The following NELL1 variants were observed in gnomAD, a reference collection of about 807,000 sequenced individuals.
NELL1 encodes protein kinase C-binding protein NELL1.
Under a neutral mutation model 107.4 loss-of-function variants are expected in NELL1, and 76 were observed. That is an observed-to-expected ratio of 0.71 (90% confidence interval 0.59 to 0.86). The LOEUF is 0.86. Among genes scored for constraint, NELL1 ranks in the 40% least tolerant of loss-of-function variants. The pLI is 0.00. For synonymous variants in NELL1, 353 were observed against 341.2 expected (o/e 1.03, Z -0.38); for missense variants, 1,024 against 1,005.5 (o/e 1.02, Z -0.25).
intron 11 of NELL1, among the ~76,000 whole-genome samples, chr11:20,958,183 C>T (rs1034472146): frequency 7.9e-5 from 12 of 151,898 alleles, no homozygotes; most frequent in Admixed American, 1.3e-4. Context: ...TTTGGGAGGC[C>T]GAGGTGGGGA....
At chr11:20,782,228 A>G (rs1341216761) in intron 2 of NELL1, among the ~76,000 whole-genome samples, 3 of 152,168 alleles carry the variant, frequency 2.0e-5, no homozygotes, top group Non-Finnish European at 2.9e-5. Context: ...TCAACACTTG[A>G]TAAAAGCTGA....
intron 12 of NELL1, among the ~76,000 whole-genome samples, chr11:21,044,060 G>A (rs1255313366): frequency 6.6e-6 from 1 of 152,140 alleles, no homozygotes; most frequent in Non-Finnish European, 1.5e-5. Context: ...CCATAAAAAT[G>A]CTTGAGATTG....
intron 13 of NELL1, among the ~76,000 whole-genome samples, chr11:21,195,806 A>G (rs1220779675): frequency 6.6e-6 from 1 of 152,180 alleles, no homozygotes; most frequent in East Asian, 1.9e-4. Flanking sequence ...AGTGGCTGCC[A>G]TACTGGACAA....
intron 15 of NELL1, among the ~76,000 whole-genome samples, chr11:21,505,619 A>G (rs1855260211): frequency 6.6e-6 from 1 of 152,124 alleles, no homozygotes; most frequent in African/African-American, 2.4e-5. Context: ...GATATTTCCT[A>G]TACCTAGAGT....
intron 3 of NELL1, among the ~76,000 whole-genome samples, chr11:20,822,791 A>C (rs910669770): frequency 3.9e-5 from 6 of 152,146 alleles, no homozygotes; most frequent in Admixed American, 2.0e-4. Flanking sequence ...GTTGGAGAGA[A>C]CGCTGGAAGA....
intron 15 of NELL1, among the ~76,000 whole-genome samples, chr11:21,373,778 A>G (rs1851407254): frequency 6.6e-6 from 1 of 152,118 alleles, no homozygotes; most frequent in African/African-American, 2.4e-5. Flanking sequence ...TTTGGTTTCT[A>G]AACAACGTAT....
intron 15 of NELL1, among the ~76,000 whole-genome samples, chr11:21,513,334 T>C (rs1032519770): frequency 6.6e-6 from 1 of 152,178 alleles, no homozygotes; most frequent in African/African-American, 2.4e-5. Context: ...CCAAAAATAA[T>C]ATGGATTTGC....
intron 3 of NELL1, among the ~76,000 whole-genome samples, chr11:20,784,481 G>C (rs547964446): frequency 1.9e-4 from 29 of 152,294 alleles, no homozygotes; most frequent in African/African-American, 6.5e-4. Context: ...AGCAACACAT[G>C]GGTAGGTAAG....
chr11:20,720,298 G>T (rs923010245), intron 2 of NELL1, among the ~76,000 whole-genome samples: 1 of 150,142 alleles, frequency 6.7e-6, no homozygotes, highest in African/African-American at 2.4e-5. Flanking sequence ...ACCTCTGCCT[G>T]CAGGGTTCAA....
chr11:21,540,344 C>A (rs886905245), intron 16 of NELL1, among the ~76,000 whole-genome samples: 1 of 152,138 alleles, frequency 6.6e-6, no homozygotes, highest in African/African-American at 2.4e-5. Flanking sequence ...ATTCCCCAAC[C>A]TGCACACCCT....
chr11:20,728,041 T>C (rs1369204905), intron 2 of NELL1, among the ~76,000 whole-genome samples: 3 of 152,220 alleles, frequency 2.0e-5, no homozygotes, highest in Non-Finnish European at 4.4e-5. Flanking sequence ...TTGATTTGCA[T>C]TTCTTTAATG....
intron 2 of NELL1, among the ~76,000 whole-genome samples, chr11:20,720,202 G>GTT (rs72275946): frequency 0.67 from 94,345 of 140,940 alleles, 31,771 homozygotes; most frequent in Middle Eastern, 0.79. Flanking sequence ...GTTCATTCCT[G>GTT]TTTTTTTTTT....
chr11:20,747,372 C>A (rs955426386), intron 2 of NELL1, among the ~76,000 whole-genome samples: 1 of 152,060 alleles, frequency 6.6e-6, no homozygotes, highest in Non-Finnish European at 1.5e-5. Flanking sequence ...GTCATCTAGG[C>A]ATGATGAAAA....
At chr11:20,688,768 G>A (rs1018969615) in intron 2 of NELL1, among the ~76,000 whole-genome samples, 1 of 152,132 alleles carries the variant, frequency 6.6e-6, no homozygotes, top group African/African-American at 2.4e-5. Flanking sequence ...CCAGTGATGG[G>A]ATTGTGAGTC....
At chr11:21,278,928 G>T (rs1285124631) in intron 14 of NELL1, among the ~76,000 whole-genome samples, 1 of 152,102 alleles carries the variant, frequency 6.6e-6, no homozygotes, top group African/African-American at 2.4e-5. Context: ...ATGAAGAATA[G>T]ACAAACAAGT....
In NELL1 at chr11:21,543,773, G is replaced by T. The variant is rs1022409449; in HGVS notation, c.1786+9259G>T. On this transcript the variant is annotated intron_variant, in intron 16 of 19. Transcript: ENST00000357134. Reference sequence around the variant, plus strand: ...AAGACAAGCGCACCTCCTCCGTTTCGATGATAATCACTTCACAAAGTAACA... The same window carrying T: ...AAGACAAGCGCACCTCCTCCGTTTCTATGATAATCACTTCACAAAGTAACA... Among the ~76,000 whole-genome samples the T allele has an allele frequency of 5.9e-5, 9 of 152,002 alleles. 1 individual carries two copies. The South Asian group carries it at 1.0e-3, about 18-fold the overall frequency.
At position 21,281,204 on chromosome 11, in the gene NELL1, C is replaced by A. The variant is rs184278464; in HGVS notation, c.1549+51750C>A. 1.3e-3 allele frequency among the ~76,000 whole-genome samples: 204 copies of A among 151,900 alleles called. 7 individuals are homozygous for A. Among genetic ancestry groups the A allele is most frequent in the African/African-American group, 4.7e-3 (194 of 41,440 alleles). On this transcript the variant is annotated intron_variant, in intron 14 of 19. Coordinates refer to ENST00000357134, the MANE Select transcript of NELL1 (RefSeq NM_006157.5). ...CCTGAACATCATTTCTGGACACCCC[C>A]CGAGCCAGAAGGGAACCTGCTGCCA... is the stretch of plus-strand genomic sequence containing the variant.
intron 3 of NELL1, among the ~76,000 whole-genome samples, chr11:20,843,569 AAATAT>A (rs977583963): frequency 2.0e-5 from 3 of 147,552 alleles, no homozygotes; most frequent in Non-Finnish European, 4.5e-5. Flanking sequence ...TCTATATATA[AAATAT>A]AATATATTTT....
At chr11:20,922,553 T>C (rs1033966147) in intron 7 of NELL1, among the ~76,000 whole-genome samples, 3 of 152,086 alleles carry the variant, frequency 2.0e-5, no homozygotes, top group Non-Finnish European at 2.9e-5. Flanking sequence ...AAGAATTCTA[T>C]GGCACTAAAT....
Sources: allele counts gnomAD v4.1 joint callset (sites outside exome capture counted in the v4.1 genomes callset), GRCh38; gene constraint gnomAD v4.1.1; transcripts MANE v1.5; gene names NCBI Gene and HGNC (gene_info 2026-07-23, HGNC 2026-07-21).